RAD51B: variants seen among roughly 807,000 people sequenced by gnomAD.
RAD51B encodes the protein DNA repair protein RAD51 homolog 2.
RAD51B carries 38 observed loss-of-function variants against 42.2 expected under a neutral mutation model. That is an observed-to-expected ratio of 0.90 (90% CI 0.70 to 1.18). RAD51B has a LOEUF of 1.18. Ranked by LOEUF, RAD51B falls within the 50% of genes most tolerant of loss-of-function variation. The probability of loss-of-function intolerance (pLI) is 0.00; values close to 1 mark genes in which losing one functional copy is unlikely to be tolerated. For synonymous variants in RAD51B, 154 were observed against 145.2 expected (o/e 1.06, Z -0.43); for missense variants, 373 against 400.7 (o/e 0.93, Z 0.59).
At chr14:67,903,140 G>C (rs766523233) in intron 7 of RAD51B, among the ~76,000 whole-genome samples, 7 of 152,132 alleles carry the variant, frequency 4.6e-5, no homozygotes, top group Admixed American at 3.9e-4. Context: ...TTACAGGCGT[G>C]AGCCACCGCG....
chr14:68,011,070 T>G (rs2075676173), intron 7 of RAD51B, among the ~76,000 whole-genome samples: 2 of 151,982 alleles, frequency 1.3e-5, no homozygotes, highest in Non-Finnish European at 2.9e-5. Context: ...TTTCCAAGGA[T>G]TTACCAAAAT....
chr14:67,896,919 A>G (rs1175100845), intron 7 of RAD51B, among the ~76,000 whole-genome samples: 1 of 152,222 alleles, frequency 6.6e-6, no homozygotes, highest in East Asian at 1.9e-4. Context: ...GGAACAGAAT[A>G]GAGAGCCCAG....
chr14:68,611,124 G>A (rs1371101624), exon 11 of RAD51B: 11 of 702,944 alleles, frequency 1.6e-5, no homozygotes, highest in Admixed American at 6.0e-5. Flanking sequence ...GGAATCCCAG[G>A]CTGTTACCCA....
intron 7 of RAD51B, among the ~76,000 whole-genome samples, chr14:68,124,261 G>A (rs183675057): frequency 2.0e-5 from 3 of 152,320 alleles, no homozygotes; most frequent in Non-Finnish European, 4.4e-5. Context: ...CTACCACAGA[G>A]CTGCTGGGTG....
At chr14:68,628,719 T>A (rs73285874) in intron 10 of RAD51B, among the ~76,000 whole-genome samples, 6,877 of 151,700 alleles carry the variant, frequency 0.045, 512 homozygotes, top group African/African-American at 0.16. Context: ...GGTGAGGAGG[T>A]GTTTCTTGTC....
chr14:68,644,348 G>A (rs376722446), intron 10 of RAD51B, among the ~76,000 whole-genome samples: 1 of 152,138 alleles, frequency 6.6e-6, no homozygotes, highest in East Asian at 1.9e-4. Context: ...CATAAGTCCT[G>A]TTCCTAGTCA....
chr14:68,597,803 T>TA (rs11423187), downstream of RAD51B, among the ~76,000 whole-genome samples: 139,810 of 143,608 alleles, frequency 0.97, 68,069 homozygotes, highest in Middle Eastern at 1. Context: ...AAATACAAGT[T>TA]AAAAAAAAAA....
chr14:68,354,216 GTTT>G (rs3075406), intron 8 of RAD51B, among the ~76,000 whole-genome samples: 8 of 110,480 alleles, frequency 7.2e-5, no homozygotes, highest in Non-Finnish European at 7.4e-5. Flanking sequence ...TGGTTTTTTG[GTTT>G]TTTTTTTTTT....
At chr14:68,092,271 C>T (rs568244632) in intron 7 of RAD51B, among the ~76,000 whole-genome samples, 25,739 of 151,810 alleles carry the variant, frequency 0.17, 2,352 homozygotes, top group Middle Eastern at 0.34. Context: ...TGGCATTGAA[C>T]GTATAAATTA....
chr14:68,549,896 G>T (rs1240599629), intron 10 of RAD51B, among the ~76,000 whole-genome samples: 3 of 152,174 alleles, frequency 2.0e-5, no homozygotes, highest in Non-Finnish European at 4.4e-5. Flanking sequence ...TAAAACTTCG[G>T]TCAGCTCTGA....
intron 7 of RAD51B, among the ~76,000 whole-genome samples, chr14:68,044,728 C>T (rs1783405272): frequency 6.6e-6 from 1 of 151,982 alleles, no homozygotes; most frequent in African/African-American, 2.4e-5. Flanking sequence ...CTTTCTCTCT[C>T]TATACCCCTC....
At chr14:68,202,358 C>A (rs1289015778) in intron 7 of RAD51B, among the ~76,000 whole-genome samples, 2 of 151,994 alleles carry the variant, frequency 1.3e-5, no homozygotes, top group Non-Finnish European at 2.9e-5. Context: ...AAATATTGCT[C>A]TATAGCATGT....
At chr14:67,845,924 C>G (rs2041596489) in intron 4 of RAD51B, among the ~76,000 whole-genome samples, 2 of 152,084 alleles carry the variant, frequency 1.3e-5, no homozygotes, top group Admixed American at 1.3e-4. Context: ...GATAGTATCT[C>G]ACAGAAGTTC....
At chr14:68,062,546 C>T (rs1407545849) in intron 7 of RAD51B, among the ~76,000 whole-genome samples, 1 of 152,100 alleles carries the variant, frequency 6.6e-6, no homozygotes, top group East Asian at 1.9e-4. Context: ...GTAATCCCAG[C>T]ACTTTGGGAG....
chr14:68,432,101 C>T (rs2085023940), intron 9 of RAD51B, among the ~76,000 whole-genome samples: 1 of 152,190 alleles, frequency 6.6e-6, no homozygotes, highest in African/African-American at 2.4e-5. Context: ...TTTGATTGCA[C>T]TGTGGTCTGA....
At chr14:68,601,244 G>A (rs907725815) in intron 10 of RAD51B, among the ~76,000 whole-genome samples, 2 of 152,014 alleles carry the variant, frequency 1.3e-5, no homozygotes, top group Non-Finnish European at 2.9e-5. Flanking sequence ...TTTTTGGTGG[G>A]GGGGTGGGTC....
intron 7 of RAD51B, among the ~76,000 whole-genome samples, chr14:67,966,149 A>G (rs1288402065): frequency 6.6e-6 from 1 of 152,062 alleles, no homozygotes. Context: ...CATTACCCTT[A>G]TCTACCTACT....
chr14:68,375,247 C>T (rs2139965688), intron 8 of RAD51B, among the ~76,000 whole-genome samples: 1 of 152,224 alleles, frequency 6.6e-6, no homozygotes, highest in Admixed American at 6.5e-5. Flanking sequence ...CTAACACCCT[C>T]CTTCCCCGCT....
chr14:68,255,420 C>T (rs1275598299), intron 7 of RAD51B, among the ~76,000 whole-genome samples: 1 of 152,320 alleles, frequency 6.6e-6, no homozygotes, highest in East Asian at 1.9e-4. Context: ...TACCCTGGTT[C>T]TGGTTCCATC....
Sources: allele counts gnomAD v4.1 joint callset (sites outside exome capture counted in the v4.1 genomes callset), GRCh38; gene constraint gnomAD v4.1.1; transcripts MANE v1.5; gene names NCBI Gene and HGNC (gene_info 2026-07-23, HGNC 2026-07-21).